The following SLC39A11 variants were observed in gnomAD, a reference collection of about 807,000 sequenced individuals.
SLC39A11 encodes zinc transporter ZIP11.
SLC39A11 carries 33 observed loss-of-function variants against 36.1 expected under a neutral mutation model. That is an observed-to-expected ratio of 0.91 (90% CI 0.69 to 1.22). The LOEUF (loss-of-function observed/expected upper bound fraction) is 1.22, where lower values mean the gene tolerates loss of function less well. Among genes scored for constraint, SLC39A11 ranks in the 50% most tolerant of loss-of-function variants. SLC39A11 has a pLI of 0.00. For synonymous variants in SLC39A11, 166 were observed against 170.3 expected (o/e 0.97, Z 0.20); for missense variants, 432 against 430.3 (o/e 1.00, Z -0.03).
At chr17:72,826,144 G>A (rs1243645534) in intron 6 of SLC39A11, among the ~76,000 whole-genome samples, 1 of 152,208 alleles carries the variant, frequency 6.6e-6, no homozygotes, top group Non-Finnish European at 1.5e-5. Flanking sequence ...GGTGAGAGGT[G>A]ACTGGATCAC....
intron 5 of SLC39A11, among the ~76,000 whole-genome samples, chr17:72,897,876 C>G (rs186235496): frequency 2.0e-5 from 3 of 152,134 alleles, no homozygotes; most frequent in South Asian, 4.2e-4. Flanking sequence ...TAAAGTATCT[C>G]ACAGAGAAAA....
chr17:73,044,749 C>T (rs2059217936), intron 3 of SLC39A11, among the ~76,000 whole-genome samples: 1 of 151,970 alleles, frequency 6.6e-6, no homozygotes, highest in Non-Finnish European at 1.5e-5. Flanking sequence ...TGGTGGGTAC[C>T]TGTAATCCCA....
intron 3 of SLC39A11, among the ~76,000 whole-genome samples, chr17:73,062,486 T>A (rs1194347652): frequency 6.5e-5 from 3 of 46,326 alleles, no homozygotes; most frequent in Non-Finnish European, 1.4e-4. Context: ...AAACTTTAGG[T>A]GATACACTTC....
intron 5 of SLC39A11, among the ~76,000 whole-genome samples, chr17:72,888,975 G>A (rs2081583947): frequency 2.0e-5 from 3 of 152,128 alleles, no homozygotes; most frequent in South Asian, 2.1e-4. Context: ...GAGACATGGT[G>A]TGCAGAGGTC....
intron 4 of SLC39A11, among the ~76,000 whole-genome samples, chr17:72,961,726 T>C (rs922623900): frequency 4.3e-5 from 6 of 137,936 alleles, no homozygotes; most frequent in Non-Finnish European, 6.2e-5. Context: ...CATCACACAC[T>C]GGGGCCTGTC....
intron 6 of SLC39A11, among the ~76,000 whole-genome samples, chr17:72,821,124 C>T (rs953479144): frequency 4.7e-5 from 7 of 150,504 alleles, no homozygotes; most frequent in South Asian, 2.1e-4. Flanking sequence ...CTGGGTGGTT[C>T]GCAGGTATAA....
At chr17:72,988,016 G>C (rs1455207801) in intron 4 of SLC39A11, among the ~76,000 whole-genome samples, 1 of 152,132 alleles carries the variant, frequency 6.6e-6, no homozygotes, top group Non-Finnish European at 1.5e-5. Context: ...TGAGTACATA[G>C]GTGTGTATAT....
chr17:72,855,891 C>T (rs1338462212), intron 5 of SLC39A11, among the ~76,000 whole-genome samples: 5 of 149,916 alleles, frequency 3.3e-5, no homozygotes, highest in Admixed American at 2.0e-4. Flanking sequence ...AGCGAGAATC[C>T]GTCTCAAAAA....
chr17:72,767,019 G>A (rs940660424), intron 6 of SLC39A11, among the ~76,000 whole-genome samples: 5 of 151,606 alleles, frequency 3.3e-5, no homozygotes, highest in Admixed American at 2.0e-4. Flanking sequence ...ACTTCTCCCC[G>A]ACACAGAAAC....
intron 5 of SLC39A11, among the ~76,000 whole-genome samples, chr17:72,875,158 G>A (rs905495484): frequency 7.9e-5 from 12 of 152,186 alleles, no homozygotes; most frequent in African/African-American, 2.9e-4. Flanking sequence ...TTTTCAAAGG[G>A]GAGGAAGTCA....
At chr17:72,647,936 G>A (rs541761906) in intron 9 of SLC39A11, among the ~76,000 whole-genome samples, 3 of 152,118 alleles carry the variant, frequency 2.0e-5, no homozygotes, top group African/African-American at 4.8e-5. Context: ...ACCTATGATC[G>A]TTCTGTGGTC....
rs774436041 is a variant in SLC39A11, at chr17:72,947,826, G to C, written c.356C>G (p.Thr119Arg). The C allele has an allele frequency of 6.2e-7, 1 of 1,614,136 alleles. No individual in the cohort carries two copies. Among genetic ancestry groups the C allele is most frequent in the Non-Finnish European group, 8.5e-7 (1 of 1,180,036 alleles). The change falls in exon 5 of 10, where the codon ACG (threonine) becomes AGG (arginine). Residue 119 changes from threonine (T) to arginine (R), a missense_variant. By Grantham distance (71) the Thr-to-Arg change is moderately conservative. Transcript: ENST00000255559. The stretch of plus-strand genomic sequence containing the variant: ...AGGATCAGACTTCTTCTTCATCAAC[G>C]TAGAGCCGAAGTTCAGTGCCAGGGT... ...QTTLALNFGS[T>R]LMKKKSDPEG... is the part of the protein sequence containing the mutation.
At chr17:72,756,713 T>C (rs1252204876) in intron 6 of SLC39A11, among the ~76,000 whole-genome samples, 1 of 152,302 alleles carries the variant, frequency 6.6e-6, no homozygotes, top group South Asian at 2.1e-4. Context: ...GAGGTGATGG[T>C]TGCACAACAT....
intron 5 of SLC39A11, among the ~76,000 whole-genome samples, chr17:72,938,514 A>T (rs1046068970): frequency 3.9e-5 from 6 of 152,176 alleles, no homozygotes; most frequent in African/African-American, 1.4e-4. Context: ...AATAAATGCA[A>T]AGGACTCCTA....
chr17:72,653,562 C>T (rs971099710), intron 7 of SLC39A11, among the ~76,000 whole-genome samples: 4 of 152,006 alleles, frequency 2.6e-5, no homozygotes. Context: ...GCCTCAGCCT[C>T]CCCAGTAGCT....
Position 72,648,916 on chromosome 17 carries a change from A to G in SLC39A11, c.816T>C (p.Phe272=), listed in dbSNP as rs749298823. The G allele has an allele frequency of 5.6e-6, 9 of 1,613,910 alleles. No homozygotes were observed. Among genetic ancestry groups the G allele is most frequent in the Admixed American group, 1.7e-5 (1 of 59,998 alleles). ...CAGCCAGCACCACGGCAAAGGCACC[A>G]AAGACCCCGGCCAGGGGCTCCACCA... ...SGMVEPLAGV[F]GAFAVVLAEP... The change falls in exon 9 of 10, where the codon TTT becomes TTC. Residue 272 remains phenylalanine (F), a synonymous_variant. Coordinates refer to ENST00000255559, the MANE Select transcript of SLC39A11 (RefSeq NM_139177.4).
At chr17:72,776,943 G>A (rs1054686401) in intron 6 of SLC39A11, among the ~76,000 whole-genome samples, 1 of 152,128 alleles carries the variant, frequency 6.6e-6, no homozygotes, top group Non-Finnish European at 1.5e-5. Context: ...CGCAGTTCAT[G>A]GCTAAATGAC....
intron 5 of SLC39A11, among the ~76,000 whole-genome samples, chr17:72,887,979 TC>T (rs1232714667): frequency 6.6e-6 from 1 of 152,222 alleles, no homozygotes; most frequent in African/African-American, 2.4e-5. Context: ...ACTGCTCCCA[TC>T]CTGCCTTGGA....
intron 4 of SLC39A11, among the ~76,000 whole-genome samples, chr17:72,974,364 T>C (rs766959936): frequency 1.3e-5 from 2 of 150,336 alleles, no homozygotes; most frequent in African/African-American, 2.5e-5. Flanking sequence ...CCTCCCAAAG[T>C]GCTGGGATTA....
Sources: gnomAD v4.1 joint callset for allele counts (sites outside exome capture counted in the v4.1 genomes callset) on GRCh38, gnomAD v4.1.1 for gene constraint, MANE v1.5 for transcripts, NCBI Gene and HGNC (gene_info 2026-07-23, HGNC 2026-07-21) for gene names.